Variants in THSD7B observed in about 807,000 individuals in gnomAD.
The protein encoded by THSD7B is thrombospondin type 1 domain containing 7B, also known as thrombospondin type-1 domain-containing protein 7B.
In THSD7B, 138 loss-of-function variants were observed where a neutral mutation model predicts 213.6. The observed-to-expected ratio is 0.65, with a 90% CI of 0.56 to 0.74. The LOEUF (loss-of-function observed/expected upper bound fraction) is 0.74, where lower values mean the gene tolerates loss of function less well. Among genes scored for constraint, THSD7B ranks in the 30% least tolerant of loss-of-function variants. The probability of loss-of-function intolerance (pLI) is 0.00; values close to 1 mark genes in which losing one functional copy is unlikely to be tolerated. For synonymous variants in THSD7B, 742 were observed against 687.0 expected (o/e 1.08, Z -1.25); for missense variants, 1,931 against 1,991.5 (o/e 0.97, Z 0.58).
intron 12 of THSD7B, among the ~76,000 whole-genome samples, chr2:137,280,631 T>C (rs1020204030): frequency 6.6e-6 from 1 of 152,132 alleles, no homozygotes; most frequent in African/African-American, 2.4e-5. Flanking sequence ...GGTTTCATTG[T>C]CCTAGTTGTC....
chr2:136,962,566 C>T (rs1685239021), intron 2 of THSD7B, among the ~76,000 whole-genome samples: 1 of 151,954 alleles, frequency 6.6e-6, no homozygotes, highest in Non-Finnish European at 1.5e-5. Context: ...AGAGTGTCTT[C>T]AAAGTAGCCT....
At chr2:137,403,489 C>A (rs184173878) in intron 12 of THSD7B, among the ~76,000 whole-genome samples, 5 of 152,124 alleles carry the variant, frequency 3.3e-5, no homozygotes, top group East Asian at 1.9e-4. Context: ...TTTCACATAG[C>A]AGATTTTAAA....
chr2:137,529,213 C>T (rs1050741082), intron 15 of THSD7B, among the ~76,000 whole-genome samples: 1 of 151,914 alleles, frequency 6.6e-6, no homozygotes, highest in African/African-American at 2.4e-5. Flanking sequence ...GGACTATGGG[C>T]AATCTAGATA....
chr2:137,577,262 T>C (rs907461808), intron 17 of THSD7B, among the ~76,000 whole-genome samples: 2 of 152,128 alleles, frequency 1.3e-5, no homozygotes, highest in Admixed American at 6.6e-5. Flanking sequence ...GAGCCACTAT[T>C]ACTTCCAGAA....
At chr2:137,089,096 T>G (rs1001744292) in intron 3 of THSD7B, among the ~76,000 whole-genome samples, 3 of 152,096 alleles carry the variant, frequency 2.0e-5, no homozygotes, top group Non-Finnish European at 4.4e-5. Context: ...AGAACTATGA[T>G]TTGATCCAGC....
intron 4 of THSD7B, among the ~76,000 whole-genome samples, chr2:137,109,581 C>T (rs1362064851): frequency 6.6e-6 from 1 of 152,154 alleles, no homozygotes; most frequent in African/African-American, 2.4e-5. Flanking sequence ...AGTGATGGAT[C>T]ATCAGGCATG....
intron 14 of THSD7B, among the ~76,000 whole-genome samples, chr2:137,424,868 G>C (rs568223068): frequency 2.0e-4 from 31 of 152,020 alleles, no homozygotes; most frequent in African/African-American, 7.2e-4. Flanking sequence ...TCGGCAGATC[G>C]AGACCATCCT....
intron 2 of THSD7B, among the ~76,000 whole-genome samples, chr2:136,954,740 T>TAAAAAAAAACAAAAAAAG (rs773677139): frequency 7.3e-6 from 1 of 137,450 alleles, no homozygotes; most frequent in African/African-American, 3.1e-5. Context: ...AAAAAGAAAT[T>TAAAAAAAAACAAAAAAAG]ACATAAGAGC....
At chr2:137,362,592 C>T (rs920110716) in intron 12 of THSD7B, among the ~76,000 whole-genome samples, 1 of 151,908 alleles carries the variant, frequency 6.6e-6, no homozygotes, top group East Asian at 1.9e-4. Context: ...ATCCTCGTCT[C>T]TGACAAAAAC....
At chr2:136,778,267 G>A (rs559648667) in intron 1 of THSD7B, among the ~76,000 whole-genome samples, 5 of 152,176 alleles carry the variant, frequency 3.3e-5, no homozygotes, top group African/African-American at 9.6e-5. Flanking sequence ...ACACTCTGAG[G>A]TCTCATACTT....
chr2:137,603,808 A>T (rs1456191202), intron 17 of THSD7B, among the ~76,000 whole-genome samples: 1 of 152,210 alleles, frequency 6.6e-6, no homozygotes, highest in African/African-American at 2.4e-5. Context: ...CAAATTAGTA[A>T]TATTAAAAAC....
intron 16 of THSD7B, among the ~76,000 whole-genome samples, chr2:137,571,940 A>C (rs1200050969): frequency 6.6e-6 from 1 of 152,100 alleles, no homozygotes; most frequent in African/African-American, 2.4e-5. Context: ...AAGTTTAGGA[A>C]ATTTTACATG....
At chr2:137,317,198 A>G (rs979960323) in intron 12 of THSD7B, among the ~76,000 whole-genome samples, 6 of 152,180 alleles carry the variant, frequency 3.9e-5, no homozygotes, top group Admixed American at 6.5e-5. Flanking sequence ...AGACTATCCT[A>G]CATACTAATT....
At chr2:137,588,114 G>A (rs773617888) in intron 17 of THSD7B, among the ~76,000 whole-genome samples, 9 of 152,220 alleles carry the variant, frequency 5.9e-5, no homozygotes, top group Non-Finnish European at 1.2e-4. Flanking sequence ...AGGCTCCAAG[G>A]GCGTGGGACC....
At chr2:136,771,699 C>A (rs1681508912) in intron 1 of THSD7B, among the ~76,000 whole-genome samples, 1 of 152,092 alleles carries the variant, frequency 6.6e-6, no homozygotes, top group African/African-American at 2.4e-5. Context: ...GTGGTAAATT[C>A]TAATTTTCAT....
intron 12 of THSD7B, among the ~76,000 whole-genome samples, chr2:137,279,819 C>G (rs1440323917): frequency 6.6e-6 from 1 of 152,116 alleles, no homozygotes; most frequent in Non-Finnish European, 1.5e-5. Context: ...GCATCATAAC[C>G]TGCACATATG....
At chr2:137,098,376 C>T (rs1165564761) in intron 4 of THSD7B, among the ~76,000 whole-genome samples, 2 of 152,098 alleles carry the variant, frequency 1.3e-5, no homozygotes, top group Non-Finnish European at 2.9e-5. Context: ...GAGAACACAA[C>T]AGACAAACTT....
At chr2:137,471,375 A>AT (rs1475691568) in intron 15 of THSD7B, among the ~76,000 whole-genome samples, 1 of 152,222 alleles carries the variant, frequency 6.6e-6, no homozygotes, top group Non-Finnish European at 1.5e-5. Flanking sequence ...AATACGTTTT[A>AT]TCCTTCTGCC....
chr2:136,818,801 C>T (rs976610215), intron 1 of THSD7B, among the ~76,000 whole-genome samples: 1 of 151,942 alleles, frequency 6.6e-6, no homozygotes, highest in African/African-American at 2.4e-5. Flanking sequence ...TAGCAGTGTC[C>T]ATTGGCTTTC....
Sources: allele counts gnomAD v4.1 joint callset (sites outside exome capture counted in the v4.1 genomes callset), GRCh38; gene constraint gnomAD v4.1.1; transcripts MANE v1.5; gene names NCBI Gene and HGNC (gene_info 2026-07-23, HGNC 2026-07-21).